Variants in MOK observed in about 807,000 individuals in gnomAD.
MOK encodes the protein MOK protein kinase, also known as MAPK/MAK/MRK overlapping kinase.
MOK carries 59 observed loss-of-function variants against 54.2 expected under a neutral mutation model. The ratio of observed to expected loss-of-function variants is 1.09; its 90% CI spans 0.88 to 1.35. The LOEUF (loss-of-function observed/expected upper bound fraction) is 1.35, where lower values mean the gene tolerates loss of function less well. Ranked by LOEUF, MOK falls within the 40% of genes most tolerant of loss-of-function variation. The pLI is 0.00. For synonymous variants in MOK, 210 were observed against 202.7 expected, an observed-to-expected ratio of 1.04 and a Z score of -0.31; for missense variants, 517 against 526.2, an observed-to-expected ratio of 0.98 and a Z score of 0.17.
At chr14:102,259,678 T>A (rs1224767991) in intron 4 of MOK, among the ~76,000 whole-genome samples, 1 of 152,160 alleles carries the variant, frequency 6.6e-6, no homozygotes, top group Non-Finnish European at 1.5e-5. Flanking sequence ...TTCTACCACT[T>A]ACTAGGTATA....
At chr14:102,248,318 A>G (rs1345469254) in intron 7 of MOK, among the ~76,000 whole-genome samples, 1 of 152,058 alleles carries the variant, frequency 6.6e-6, no homozygotes, top group African/African-American at 2.4e-5. Context: ...CACCTGTCAG[A>G]CCTTGCTGTG....
At chr14:102,293,791 T>C (rs2071075295) in intron 1 of MOK, among the ~76,000 whole-genome samples, 1 of 148,850 alleles carries the variant, frequency 6.7e-6, no homozygotes, top group African/African-American at 2.5e-5. Context: ...TGTATCTGAG[T>C]GGGACTGAAG....
At chr14:102,298,614 C>G (rs10162430) in intron 1 of MOK, among the ~76,000 whole-genome samples, 6 of 148,676 alleles carry the variant, frequency 4.0e-5, no homozygotes, top group Non-Finnish European at 8.8e-5. Flanking sequence ...CTCTGTAAAA[C>G]AGACCAATTG....
chr14:102,256,252 A>G (rs536602623), intron 4 of MOK, among the ~76,000 whole-genome samples: 34 of 150,724 alleles, frequency 2.3e-4, no homozygotes, highest in Middle Eastern at 6.9e-3. Context: ...GTGTGCCACC[A>G]CACCCGGATG....
chr14:102,264,561 G>A (rs1388068006), intron 3 of MOK: 1 of 152,170 alleles, frequency 6.6e-6, no homozygotes, highest in African/African-American at 2.4e-5. Flanking sequence ...TTGTTCCGAG[G>A]TCCATGTGAG....
rs1308309128 is a variant in MOK, at chr14:102,236,412, G to A, written c.591-2623C>T. Among the ~76,000 whole-genome samples, 3 of 152,146 alleles carry A rather than the reference G, an allele frequency of 2.0e-5. No homozygotes were observed. Among genetic ancestry groups the A allele is most frequent in the Admixed American group, 6.5e-5 (1 of 15,280 alleles). On this transcript the variant is annotated intron_variant, in intron 7 of 11. Coordinates refer to ENST00000361847, the MANE Select transcript of MOK (RefSeq NM_014226.3). This position sits in a 1 kb window ranked among gnomAD's most constrained non-coding sequence, Gnocchi z 4.5. ...GTGGGGGCTGATGGACTCATCTTGC[G>A]TCCACGCGCCACCAGACCCCTTACT...
In MOK at chr14:102,235,726, C is replaced by T. The variant is rs1259227576; in HGVS notation, c.591-1937G>A. On this transcript the variant is annotated intron_variant, in intron 7 of 11. Transcript: ENST00000361847. The surrounding 1 kb of genome is among the most constrained non-coding windows in gnomAD (Gnocchi z 4.4). ...ATACACGCGTGTCGATCCCGCCTCC[C>T]GGGAAGGAACTATTGTTCTTTACAT... Among the ~76,000 whole-genome samples the T allele has an allele frequency of 6.6e-6, 1 of 152,200 alleles. No individual in the cohort carries two copies. The highest frequency in any genetic ancestry group is 1.5e-5 in the Non-Finnish European group (1 of 68,034).
intron 1 of MOK, among the ~76,000 whole-genome samples, chr14:102,293,718 A>G (rs1205128703): frequency 6.7e-6 from 1 of 149,926 alleles, no homozygotes; most frequent in Non-Finnish European, 1.5e-5. Flanking sequence ...AAAAAAAAAA[A>G]AAAAAAAAGA....
At chr14:102,274,340 C>T (rs551470752) in intron 2 of MOK, among the ~76,000 whole-genome samples, 1 of 150,596 alleles carries the variant, frequency 6.6e-6, no homozygotes, top group African/African-American at 2.4e-5. Flanking sequence ...CTGAAGCCTC[C>T]ACCTCCCAGG....
At chr14:102,303,160 A>G (rs2072430768) in intron 1 of MOK, among the ~76,000 whole-genome samples, 1 of 144,408 alleles carries the variant, frequency 6.9e-6, no homozygotes, top group African/African-American at 2.5e-5. Context: ...GACCCTGTCC[A>G]AAAAAAAAAA....
intron 1 of MOK, among the ~76,000 whole-genome samples, chr14:102,296,793 C>G (rs2153190900): frequency 6.6e-6 from 1 of 152,230 alleles, no homozygotes; most frequent in South Asian, 2.1e-4. Flanking sequence ...AATAAAATGG[C>G]TCACACCTGT....
rs2064376941 is a variant in MOK, at chr14:102,228,925, A to G, written c.*364T>C. 3.8e-6 allele frequency: 1 copy of G among 263,108 alleles called. No homozygotes were observed. Among genetic ancestry groups the G allele is most frequent in the Non-Finnish European group, 7.2e-6 (1 of 139,580 alleles). 16.3% of individuals were successfully genotyped at this position (263,108 alleles called of 1,614,324 possible). A position where few individuals can be genotyped will look rare whatever the true frequency, so the allele number is the denominator to read the frequency against. On this transcript the variant is annotated 3_prime_UTR_variant, in exon 12 of 12. Coordinates refer to ENST00000361847, the MANE Select transcript of MOK (RefSeq NM_014226.3). Reference sequence around the variant, plus strand: ...TGATGGCGCTCCACGACTGACCAGCAGCGCTGGGAAGGGACACGCAGAACC... The same window carrying G: ...TGATGGCGCTCCACGACTGACCAGCGGCGCTGGGAAGGGACACGCAGAACC...
chr14:102,229,471 G>T lies in MOK; in HGVS notation c.1168C>A (p.Pro390Thr). The change falls in exon 11 of 12, where the codon CCT becomes ACT. Residue 390 changes from proline (P) to threonine (T), a missense_variant. Transcript: ENST00000361847. ...VPVLRPLKCI[P>T]ASKKTDPQKD... Reference sequence around the variant, plus strand: ...TTCCGCGCTACCTTCTTGCTCGCAGGGATGCACTTCAAGGGTCTCAGCACC... The same window carrying T: ...TTCCGCGCTACCTTCTTGCTCGCAGTGATGCACTTCAAGGGTCTCAGCACC... The T allele has an allele frequency of 6.2e-7, 1 of 1,614,166 alleles. No homozygotes were observed. The highest frequency in any genetic ancestry group is 8.5e-7 in the Non-Finnish European group (1 of 1,180,036).
chr14:102,294,172 T>A (rs184684946), intron 1 of MOK, among the ~76,000 whole-genome samples: 1 of 150,706 alleles, frequency 6.6e-6, no homozygotes, highest in East Asian at 1.9e-4. Flanking sequence ...TGAGGCCGGG[T>A]GCGGTGGCTC....
At position 102,245,916 on chromosome 14, in the gene MOK, A is replaced by T. The variant is rs1424142384; in HGVS notation, c.590+4896T>A. 2 of 152,862 alleles carry T rather than the reference A, an allele frequency of 1.3e-5. No homozygotes were observed. Among genetic ancestry groups the T allele is most frequent in the Admixed American group, 1.3e-4 (2 of 15,250 alleles). 9.5% of individuals were successfully genotyped at this position (152,862 alleles called of 1,614,324 possible). A position where few individuals can be genotyped will look rare whatever the true frequency, so the allele number is the denominator to read the frequency against. ...CCAGCACACTCCTTGGGCCAACCTG[A>T]CTCCGCCTCACATCCATCCCAGAAG... is the stretch of plus-strand genomic sequence containing the variant. On this transcript the variant is annotated intron_variant, in intron 7 of 11. Coordinates refer to ENST00000361847, the MANE Select transcript of MOK (RefSeq NM_014226.3). This position sits in a 1 kb window ranked among gnomAD's most constrained non-coding sequence, Gnocchi z 4.3.
rs1163696768 is a variant in MOK, at chr14:102,231,526, C to T, written c.981+181G>A. 1 of 575,218 alleles carries T rather than the reference C, an allele frequency of 1.7e-6. No individual in the cohort carries two copies. The highest frequency in any genetic ancestry group is 1.9e-5 in the African/African-American group (1 of 53,372). The allele number at this position is 575,218 out of a possible 1,614,324, so 35.6% of individuals were successfully genotyped here. Reference sequence around the variant, plus strand: ...GCAGAAAGGGCTTGAGCAAATAGAACTGGGGTCCCTGATGTCCCAACACAT... The same window carrying T: ...GCAGAAAGGGCTTGAGCAAATAGAATTGGGGTCCCTGATGTCCCAACACAT... On this transcript the variant is annotated intron_variant, in intron 10 of 11. Transcript: ENST00000361847. This position sits in a 1 kb window ranked among gnomAD's most constrained non-coding sequence, Gnocchi z 4.4.
intron 1 of MOK, among the ~76,000 whole-genome samples, chr14:102,290,099 TGG>T (rs2070591076): frequency 6.7e-6 from 1 of 149,002 alleles, no homozygotes; most frequent in Non-Finnish European, 1.5e-5. Context: ...TACTTGGTCC[TGG>T]AAACTTACAA....
rs765782991 is a variant in MOK at position 102,231,658 on chromosome 14, C to T, written c.981+49G>A. The T allele has an allele frequency of 1.5e-5, 23 of 1,551,634 alleles. No homozygotes were observed. The highest frequency in any genetic ancestry group is 2.0e-5 in the Non-Finnish European group (23 of 1,127,880). Reference sequence around the variant, plus strand: ...AGAGACACAGGCCACCCGAGGGCATCCAGTCCCGGCTGAGCTAGGCAGTCT... The same window carrying T: ...AGAGACACAGGCCACCCGAGGGCATTCAGTCCCGGCTGAGCTAGGCAGTCT... On this transcript the variant is annotated intron_variant, in intron 10 of 11. Coordinates refer to ENST00000361847, the MANE Select transcript of MOK (RefSeq NM_014226.3). This position sits in a 1 kb window ranked among gnomAD's most constrained non-coding sequence, Gnocchi z 4.4.
At chr14:102,271,098 T>C (rs886230986) in intron 2 of MOK, among the ~76,000 whole-genome samples, 4 of 152,150 alleles carry the variant, frequency 2.6e-5, no homozygotes, top group Admixed American at 6.6e-5. Flanking sequence ...GGCAGGAGAA[T>C]TGCTTGAACT....
Sources: allele counts gnomAD v4.1 joint callset (sites outside exome capture counted in the v4.1 genomes callset), GRCh38; gene constraint gnomAD v4.1.1; non-coding constraint Gnocchi (gnomAD v3.1); transcripts MANE v1.5; gene names NCBI Gene and HGNC (gene_info 2026-07-23, HGNC 2026-07-21).